SVOPL: variants seen among roughly 807,000 people sequenced by gnomAD.
SVOPL encodes SVOP like, also known as putative transporter SVOPL.
Under a neutral mutation model 61.0 loss-of-function variants are expected in SVOPL, and 60 were observed. The ratio of observed to expected loss-of-function variants is 0.98; its 90% CI spans 0.80 to 1.22. The LOEUF is 1.22. SVOPL is among the 50% of genes most tolerant of loss of function. The pLI is 0.00. For synonymous variants in SVOPL, 279 were observed against 250.0 expected (o/e 1.12, Z -1.09); for missense variants, 662 against 643.9 (o/e 1.03, Z -0.30).
chr7:138,648,533 CAAA>C (rs61171485), intron 8 of SVOPL, among the ~76,000 whole-genome samples: 2,354 of 73,734 alleles, frequency 0.032, 84 homozygotes, highest in African/African-American at 0.094. Flanking sequence ...ACTAAAAATC[CAAA>C]AAAAAAAAAA....
intron 13 of SVOPL, chr7:138,624,974 T>G (rs1799829523): frequency 6.6e-6 from 1 of 152,182 alleles, no homozygotes; most frequent in African/African-American, 2.4e-5. Flanking sequence ...ATTCAAGGAT[T>G]GCAGGCATGA....
intron 14 of SVOPL, among the ~76,000 whole-genome samples, chr7:138,604,090 A>G (rs957943364): frequency 1.1e-4 from 17 of 151,340 alleles, no homozygotes; most frequent in African/African-American, 4.1e-4. Context: ...CAGCCTCTCA[A>G]GTAGCTGGGA....
chr7:138,611,842 C>T (rs1181357492), intron 14 of SVOPL, among the ~76,000 whole-genome samples: 13 of 69,762 alleles, frequency 1.9e-4, no homozygotes, highest in East Asian at 9.5e-4. Flanking sequence ...CCTTGGCCTC[C>T]CAAAGTGCCG....
intron 14 of SVOPL, among the ~76,000 whole-genome samples, chr7:138,610,755 G>A (rs1462339705): frequency 2.0e-5 from 3 of 152,204 alleles, no homozygotes; most frequent in African/African-American, 7.2e-5. Context: ...TGAGGCTCCA[G>A]CCACCCTTGA....
intron 5 of SVOPL, chr7:138,662,306 C>T (rs1802034642): frequency 2.0e-6 from 2 of 985,456 alleles, no homozygotes; most frequent in South Asian, 9.4e-5. Context: ...CTGTTTCCTA[C>T]TGATTGTAAT....
At chr7:138,650,629 G>A (rs906206242) in intron 7 of SVOPL, among the ~76,000 whole-genome samples, 2 of 144,724 alleles carry the variant, frequency 1.4e-5, no homozygotes, top group Non-Finnish European at 3.0e-5. Context: ...GGGCAACAAA[G>A]CAAGACTCCA....
At chr7:138,613,327 T>C (rs1198296300) in intron 14 of SVOPL, among the ~76,000 whole-genome samples, 2 of 152,138 alleles carry the variant, frequency 1.3e-5, no homozygotes, top group Non-Finnish European at 2.9e-5. Flanking sequence ...GCCAGAGTGA[T>C]CTTTTTAAAA....
rs115738866 is a variant in SVOPL at position 138,661,428 on chromosome 7, G to A, written c.346-1440C>T. On this transcript the variant is annotated intron_variant, in intron 5 of 15. Coordinates refer to ENST00000674285, the MANE Select transcript of SVOPL (RefSeq NM_001139456.2). The stretch of plus-strand genomic sequence containing the variant: ...AGCGGCTCAGAACAGTCTGAGGAAT[G>A]TGAGGTATGCAGAATTTATCAGGTC... The A allele has an allele frequency of 5.5e-4, 544 of 984,526 alleles. 3 individuals carry two copies. In the African/African-American group the frequency reaches 7.0e-3, roughly 13 times the overall value. 61.0% of individuals were successfully genotyped at this position (984,526 alleles called of 1,614,324 possible).
At chr7:138,655,668 C>T (rs930922627) in intron 7 of SVOPL, among the ~76,000 whole-genome samples, 15 of 148,532 alleles carry the variant, frequency 1.0e-4, no homozygotes, top group East Asian at 2.0e-4. Context: ...AATATATTTA[C>T]GTATAATTTA....
intron 10 of SVOPL, among the ~76,000 whole-genome samples, chr7:138,629,335 A>T (rs1004488770): frequency 4.6e-5 from 7 of 150,854 alleles, no homozygotes; most frequent in African/African-American, 1.5e-4. Context: ...GGTTCAAGAG[A>T]TTCTCCTGCC....
chr7:138,597,210 G>A (rs766751543), intron 14 of SVOPL: 6 of 1,289,192 alleles, frequency 4.7e-6, no homozygotes, highest in East Asian at 1.1e-4. Flanking sequence ...ATCTCACAAC[G>A]ACAGTAAAGT....
intron 1 of SVOPL, among the ~76,000 whole-genome samples, chr7:138,681,550 G>A (rs1243497187): frequency 2.0e-5 from 3 of 151,910 alleles, no homozygotes; most frequent in African/African-American, 7.2e-5. Context: ...AGGGCTGGGC[G>A]TGGTAGCTCA....
At chr7:138,658,858 A>G (rs962910153) in intron 6 of SVOPL, among the ~76,000 whole-genome samples, 1 of 152,090 alleles carries the variant, frequency 6.6e-6, no homozygotes, top group Non-Finnish European at 1.5e-5. Flanking sequence ...CTAGAAATAA[A>G]ATTTGAAGTG....
At chr7:138,633,374 T>G (rs1399940207) in intron 9 of SVOPL, among the ~76,000 whole-genome samples, 1 of 152,138 alleles carries the variant, frequency 6.6e-6, no homozygotes, top group East Asian at 1.9e-4. Flanking sequence ...GTGCCCTCCC[T>G]GCAGTAACGA....
chr7:138,696,530 C>T (rs1386018785), intron 1 of SVOPL, among the ~76,000 whole-genome samples: 1 of 152,108 alleles, frequency 6.6e-6, no homozygotes, highest in Non-Finnish European at 1.5e-5. Context: ...TCAAGTGATT[C>T]TCCTGCCTCA....
intron 14 of SVOPL, among the ~76,000 whole-genome samples, chr7:138,620,389 G>A (rs1409743351): frequency 1.4e-5 from 2 of 143,510 alleles, no homozygotes; most frequent in African/African-American, 5.3e-5. Flanking sequence ...CCAAAGTGCT[G>A]AGATTATAGG....
chr7:138,669,686 T>G (rs963795737), intron 4 of SVOPL, among the ~76,000 whole-genome samples: 12 of 152,232 alleles, frequency 7.9e-5, no homozygotes, highest in African/African-American at 2.9e-4. Context: ...TATGACTTAT[T>G]GCCCATCTAA....
rs190463646 is a variant in SVOPL, at chr7:138,650,465, G to A, written c.535-1328C>T. 2.7e-3 allele frequency among the ~76,000 whole-genome samples: 407 copies of A among 151,758 alleles called. 6 individuals carry two copies. The highest frequency in any genetic ancestry group is 9.2e-3 in the African/African-American group (379 of 41,386). On this transcript the variant is annotated intron_variant, in intron 7 of 15. Transcript: ENST00000674285. ...CCTGTAAGACATTCAAGTAACTATC[G>A]GGTCATTGGCTACCTAGGTCTGAAG...
intron 3 of SVOPL, among the ~76,000 whole-genome samples, chr7:138,677,816 G>A (rs1802606065): frequency 6.8e-6 from 1 of 146,914 alleles, no homozygotes; most frequent in African/African-American, 2.5e-5. Flanking sequence ...AAGCTGGAGT[G>A]CAGTGGCGCG....
Sources: gnomAD v4.1 joint callset for allele counts (sites outside exome capture counted in the v4.1 genomes callset) on GRCh38, gnomAD v4.1.1 for gene constraint, MANE v1.5 for transcripts, NCBI Gene and HGNC (gene_info 2026-07-23, HGNC 2026-07-21) for gene names.